Variants in ZNF729 observed in about 807,000 individuals in gnomAD.
ZNF729 encodes zinc finger protein 729.
ZNF729 carries 15 observed loss-of-function variants against 12.2 expected under a neutral mutation model. The ratio of observed to expected loss-of-function variants is 1.23; its 90% CI spans 0.82 to 1.89. The LOEUF (loss-of-function observed/expected upper bound fraction) is 1.89, where lower values mean the gene tolerates loss of function less well. ZNF729 is among the 40% of genes most tolerant of loss of function. ZNF729 has a pLI of 0.00. For synonymous variants in ZNF729, 492 were observed against 476.3 expected (o/e 1.03, Z -0.43); for missense variants, 1,540 against 1,456.7 (o/e 1.06, Z -0.93).
intron 1 of ZNF729, among the ~76,000 whole-genome samples, chr19:22,294,407 C>A (rs528791059): frequency 6.6e-6 from 1 of 152,118 alleles, no homozygotes; most frequent in African/African-American, 2.4e-5. Context: ...TGTAACGCCT[C>A]CAGCTTTGTT....
intron 1 of ZNF729, among the ~76,000 whole-genome samples, chr19:22,292,165 G>A (rs774571826): frequency 6.6e-6 from 1 of 152,102 alleles, no homozygotes; most frequent in Non-Finnish European, 1.5e-5. Flanking sequence ...GCACCACACA[G>A]GTATTATTTT....
chr19:22,298,005 C>CAAAAAAAAAA (rs34435303), intron 1 of ZNF729, among the ~76,000 whole-genome samples: 3 of 68,136 alleles, frequency 4.4e-5, no homozygotes, highest in African/African-American at 5.6e-5. Context: ...AACTCCATCT[C>CAAAAAAAAAA]AAAAAAAAAA....
chr19:22,311,672 T>C (rs1165288342), intron 3 of ZNF729, among the ~76,000 whole-genome samples: 1 of 152,190 alleles, frequency 6.6e-6, no homozygotes, highest in Admixed American at 6.6e-5. Context: ...TCTGCAGTTG[T>C]TGGATGGAAT....
Position 22,313,916 on chromosome 19 carries a change from T to A in ZNF729, c.499T>A (p.Ser167Thr). 1 of 1,527,130 alleles carries A rather than the reference T, an allele frequency of 6.5e-7. No homozygotes were observed. The highest frequency in any genetic ancestry group is 8.8e-7 in the Non-Finnish European group (1 of 1,140,604). The allele number at this position is 1,527,130 out of a possible 1,614,324, so 94.6% of individuals were successfully genotyped here. A position where few individuals can be genotyped will look rare whatever the true frequency, so the allele number is the denominator to read the frequency against. Residue 167 changes from serine (S) to threonine (T), a missense_variant, in exon 4 of 4, where the codon TCA becomes ACA. Ser to Thr is a moderately conservative substitution (Grantham distance 58). Coordinates refer to ENST00000601693, the MANE Select transcript of ZNF729 (RefSeq NM_001242680.2). ...NKHMKVFHKY[S>T]NRNKVRHTKK... Reference sequence around the variant, plus strand: ...ACATATGAAAGTCTTTCATAAATATTCAAATAGAAATAAGGTTAGACACAC... The same window carrying A: ...ACATATGAAAGTCTTTCATAAATATACAAATAGAAATAAGGTTAGACACAC...
intron 1 of ZNF729, 84 bp downstream of exon 1, chr19:22,286,639 T>G: frequency 1.3e-6 from 2 of 1,535,450 alleles, no homozygotes; most frequent in Non-Finnish European, 1.8e-6. Context: ...GACTCCGGCC[T>G]CCCCGCAGTC....
At position 22,314,923 on chromosome 19, in the gene ZNF729, C is replaced by A; in HGVS notation, c.1506C>A (p.Asp502Glu). The A allele has an allele frequency of 3.7e-6, 6 of 1,612,078 alleles. No individual in the cohort carries two copies. In the Middle Eastern group the frequency reaches 9.9e-4, roughly 267 times the overall value. ...GCAAAGCTTTTAACCATTTCTCAGA[C>A]CTTAGAAGACATAAGATAATTCATA... is the stretch of plus-strand genomic sequence containing the variant. ...ECGKAFNHFS[D>E]LRRHKIIHTG... The change falls in exon 4 of 4, where the codon GAC becomes GAA. Residue 502 changes from aspartate to glutamate, a missense_variant. Asp to Glu is a conservative substitution (Grantham distance 45, BLOSUM62 2). Coordinates refer to ENST00000601693, the MANE Select transcript of ZNF729 (RefSeq NM_001242680.2).
chr19:22,312,235 A>C (rs550940234), intron 3 of ZNF729, among the ~76,000 whole-genome samples: 2 of 152,216 alleles, frequency 1.3e-5, no homozygotes, highest in East Asian at 3.9e-4. Context: ...TGCTTTCTAA[A>C]AATTTTATAC....
chr19:22,297,209 A>T (rs1250372744), intron 1 of ZNF729, among the ~76,000 whole-genome samples: 1 of 151,800 alleles, frequency 6.6e-6, no homozygotes, highest in African/African-American at 2.4e-5. Flanking sequence ...GTCAGAATCT[A>T]CATCTCTTCT....
chr19:22,286,493 G>T lies in ZNF729; in HGVS notation c.-33G>T, dbSNP rs745845328. The T allele has an allele frequency of 8.1e-6, 13 of 1,612,684 alleles. No homozygotes were observed. Among genetic ancestry groups the T allele is most frequent in the Non-Finnish European group, 1.1e-5 (13 of 1,179,874 alleles). On this transcript the variant is annotated 5_prime_UTR_variant, in exon 1 of 4. Coordinates refer to ENST00000601693, the MANE Select transcript of ZNF729 (RefSeq NM_001242680.2). The stretch of plus-strand genomic sequence containing the variant: ...GTGTGTCCTCAGCCTCTGTGGCCCT[G>T]TAACCTGCGGCATTGGAAGATCCAC...
intron 3 of ZNF729, among the ~76,000 whole-genome samples, chr19:22,310,446 C>T (rs1333572029): frequency 6.6e-6 from 1 of 152,068 alleles, no homozygotes; most frequent in East Asian, 1.9e-4. Flanking sequence ...TTTTCTGCAT[C>T]TATTGAGATG....
intron 1 of ZNF729, among the ~76,000 whole-genome samples, chr19:22,293,983 C>T (rs2145042489): frequency 6.6e-6 from 1 of 152,276 alleles, no homozygotes; most frequent in East Asian, 1.9e-4. Flanking sequence ...AATTAGGTCC[C>T]ATTTGTCAAT....
intron 1 of ZNF729, chr19:22,298,921 T>C (rs1000915281): frequency 1.3e-5 from 2 of 152,244 alleles, no homozygotes; most frequent in African/African-American, 4.8e-5. Context: ...TAGTTAGCTA[T>C]GTGGCAAGCT....
intron 1 of ZNF729, among the ~76,000 whole-genome samples, chr19:22,292,056 A>G (rs1968162994): frequency 6.6e-6 from 1 of 151,970 alleles, no homozygotes; most frequent in Non-Finnish European, 1.5e-5. Flanking sequence ...TTTAACTTTT[A>G]TTTTTGATTC....
intron 1 of ZNF729, among the ~76,000 whole-genome samples, chr19:22,291,700 C>T (rs1968157390): frequency 1.3e-5 from 2 of 152,096 alleles, no homozygotes; most frequent in Admixed American, 1.3e-4. Flanking sequence ...ACCTGCATTG[C>T]CCTCTCCCCA....
chr19:22,304,733 G>T lies in ZNF729; in HGVS notation c.203G>T (p.Gly68Val). The T allele has an allele frequency of 1.2e-6, 2 of 1,613,302 alleles. No homozygotes were observed. The highest frequency in any genetic ancestry group is 1.7e-6 in the Non-Finnish European group (2 of 1,179,650). ...GACTTGATAACTTGTCTGAAGCAAG[G>T]GAAAGAGCCTTGGAATATGAAGAGA... ...KPDLITCLKQGKEPWNMKRHE... is the reference protein window; with the variant it reads ...KPDLITCLKQVKEPWNMKRHE... The change falls in exon 3 of 4, where the codon GGG becomes GTG. Residue 68 changes from glycine to valine, a missense_variant. By Grantham distance (109) the Gly-to-Val change is moderately radical. Transcript: ENST00000601693.
At chr19:22,311,973 G>GC (rs887611794) in intron 3 of ZNF729, among the ~76,000 whole-genome samples, 17 of 151,896 alleles carry the variant, frequency 1.1e-4, no homozygotes, top group African/African-American at 3.6e-4. Context: ...AATTGCTGTT[G>GC]CTTTAAAGTA....
intron 1 of ZNF729, among the ~76,000 whole-genome samples, chr19:22,297,284 T>C (rs1393820152): frequency 7.6e-6 from 1 of 130,914 alleles, no homozygotes; most frequent in African/African-American, 2.7e-5. Flanking sequence ...CTTTTTCTCT[T>C]CTGTTTTTTT....
At chr19:22,295,277 T>A (rs1968213968) in intron 1 of ZNF729, among the ~76,000 whole-genome samples, 1 of 152,092 alleles carries the variant, frequency 6.6e-6, no homozygotes, top group South Asian at 2.1e-4. Context: ...TAGTTTGACT[T>A]CCTTTCTTCC....
chr19:22,306,039 C>T (rs966671833), intron 3 of ZNF729, among the ~76,000 whole-genome samples: 12 of 152,104 alleles, frequency 7.9e-5, no homozygotes, highest in African/African-American at 2.4e-4. Flanking sequence ...TGGTCTCACA[C>T]TCCTGGAGTC....
Sources: allele counts gnomAD v4.1 joint callset (sites outside exome capture counted in the v4.1 genomes callset), GRCh38; gene constraint gnomAD v4.1.1; transcripts MANE v1.5; gene names NCBI Gene and HGNC (gene_info 2026-07-23, HGNC 2026-07-21).